The following ADAMTS9 variants were observed in gnomAD, a reference collection of about 807,000 sequenced individuals.
ADAMTS9 encodes the protein ADAM metallopeptidase with thrombospondin type 1 motif 9, also known as A disintegrin and metalloproteinase with thrombospondin motifs 9.
In ADAMTS9, 107 loss-of-function variants were observed where a neutral mutation model predicts 257.1. The observed-to-expected ratio is 0.42, with a 90% confidence interval of 0.36 to 0.49. The LOEUF (loss-of-function observed/expected upper bound fraction) is 0.49, where lower values mean the gene tolerates loss of function less well. ADAMTS9 is among the 20% of genes least tolerant of loss of function. The probability of loss-of-function intolerance (pLI) is 0.03; values close to 1 mark genes in which losing one functional copy is unlikely to be tolerated. For missense variants in ADAMTS9, 2,353 were observed against 2,469.1 expected, an observed-to-expected ratio of 0.95 and a Z score of 1.00; for synonymous variants, 982 against 880.9, an observed-to-expected ratio of 1.11 and a Z score of -2.03.
At position 64,687,485 on chromosome 3, in the gene ADAMTS9, C is replaced by A. The variant is rs1701947931; in HGVS notation, c.115+58G>T. On this transcript the variant is annotated intron_variant, in intron 1 of 39. Coordinates refer to ENST00000498707, the MANE Select transcript of ADAMTS9 (RefSeq NM_182920.2). This position sits in a 1 kb window ranked among gnomAD's most constrained non-coding sequence, Gnocchi z 4.4. ...GCTGCGGGGTGCCCCTGCCCAGGAG[C>A]GAGGACCGGGAGGCGGCGTCGGGGC... 1.3e-5 allele frequency: 18 copies of A among 1,380,662 alleles called. No homozygotes were observed. The South Asian group carries it at 2.3e-4, about 17-fold the overall frequency. The allele number at this position is 1,380,662 out of a possible 1,614,324, so 85.5% of individuals were successfully genotyped here.
Position 64,615,153 on chromosome 3 carries a change from C to T in ADAMTS9, c.3189+168G>A, listed in dbSNP as rs56869336. On this transcript the variant is annotated intron_variant, in intron 21 of 39. Coordinates refer to ENST00000498707, the MANE Select transcript of ADAMTS9 (RefSeq NM_182920.2). Reference sequence around the variant, plus strand: ...ACTGGTAGACTAGTTACATCCAGTACGACAGTCATGGTGCAGGCAGAGAAC... The same window carrying T: ...ACTGGTAGACTAGTTACATCCAGTATGACAGTCATGGTGCAGGCAGAGAAC... The T allele has an allele frequency of 0.19, 148,093 of 779,860 alleles. 16,804 individuals are homozygous for T. Among genetic ancestry groups the T allele is most frequent in the East Asian group, 0.43 (16,258 of 37,454 alleles). 48.3% of individuals were successfully genotyped at this position (779,860 alleles called of 1,614,324 possible). A position where few individuals can be genotyped will look rare whatever the true frequency, so the allele number is the denominator to read the frequency against.
Position 64,616,134 on chromosome 3 carries a change from C to T in ADAMTS9, c.2850G>A (p.Gln950=), listed in dbSNP as rs749659474. ...HVASRSECSA[Q]CGLGYRTLDI... is the part of the protein sequence containing the mutation. ...CCAATGTGCGGTAACCCAAGCCACA[C>T]TGGGCACTACATTCACTCCTGCTGG... The change falls in exon 20 of 40, where the codon CAG becomes CAA. Residue 950 remains glutamine (Q), a synonymous_variant. Transcript: ENST00000498707. 7 of 1,614,018 alleles carry T rather than the reference C, an allele frequency of 4.3e-6. No individual in the cohort carries two copies. Among genetic ancestry groups the T allele is most frequent in the Non-Finnish European group, 5.1e-6 (6 of 1,179,990 alleles).
At chr3:64,544,965 C>G (rs1245804487) in intron 32 of ADAMTS9, among the ~76,000 whole-genome samples, 3 of 151,296 alleles carry the variant, frequency 2.0e-5, no homozygotes, top group African/African-American at 7.3e-5. Context: ...TGAACAGACA[C>G]TTCTCAAAAG....
chr3:64,551,133 A>C, intron 30 of ADAMTS9, 71 bp from the exon 31 acceptor site: 1 of 1,514,358 alleles, frequency 6.6e-7, no homozygotes, highest in Non-Finnish European at 9.1e-7. Flanking sequence ...TTATGTGTTT[A>C]CCTGTCTACA....
rs868052922 is a variant in ADAMTS9 at position 64,679,727 on chromosome 3, T to C, written c.679+1474A>G. 4.6e-5 allele frequency among the ~76,000 whole-genome samples: 7 copies of C among 152,322 alleles called. No homozygotes were observed. The East Asian group carries it at 1.3e-3, about 29-fold the overall frequency. On this transcript the variant is annotated intron_variant, in intron 3 of 39. Coordinates refer to ENST00000498707, the MANE Select transcript of ADAMTS9 (RefSeq NM_182920.2). Reference sequence around the variant, plus strand: ...TATGTTATGTATACATTTCATGTTATGTTTACATTTATACACATGTCTAAA... The same window carrying C: ...TATGTTATGTATACATTTCATGTTACGTTTACATTTATACACATGTCTAAA...
intron 11 of ADAMTS9, among the ~76,000 whole-genome samples, chr3:64,643,240 A>T (rs1242833044): frequency 6.6e-6 from 1 of 152,150 alleles, no homozygotes; most frequent in Non-Finnish European, 1.5e-5. Context: ...GAAAATATAC[A>T]TATAAAAATA....
At chr3:64,518,510 C>T (rs1471432090) in intron 39 of ADAMTS9, among the ~76,000 whole-genome samples, 1 of 152,156 alleles carries the variant, frequency 6.6e-6, no homozygotes, top group Admixed American at 6.5e-5. Context: ...GCATAATGTA[C>T]TCAGGTCAGG....
At chr3:64,594,799 T>G (rs1381764131) in intron 27 of ADAMTS9, among the ~76,000 whole-genome samples, 1 of 152,190 alleles carries the variant, frequency 6.6e-6, no homozygotes, top group Non-Finnish European at 1.5e-5. Flanking sequence ...TCCTTTCTTT[T>G]TTTTTGAGAC....
chr3:64,562,489 A>G (rs565816012), intron 29 of ADAMTS9, among the ~76,000 whole-genome samples: 2 of 152,168 alleles, frequency 1.3e-5, no homozygotes, highest in Non-Finnish European at 2.9e-5. Flanking sequence ...CTTTCCTCTA[A>G]ATTAATTTTT....
intron 28 of ADAMTS9, among the ~76,000 whole-genome samples, chr3:64,591,469 C>T (rs2084258078): frequency 6.6e-6 from 1 of 150,994 alleles, no homozygotes; most frequent in Non-Finnish European, 1.5e-5. Flanking sequence ...ATTTCAAAAA[C>T]AAACACTACC....
intron 38 of ADAMTS9, among the ~76,000 whole-genome samples, chr3:64,526,377 A>T (rs567127965): frequency 6.6e-6 from 1 of 152,298 alleles, no homozygotes; most frequent in South Asian, 2.1e-4. Context: ...AATAGGATAA[A>T]ATAGTTTCTC....
At position 64,687,188 on chromosome 3, in the gene ADAMTS9, T is replaced by C. The variant is rs1701935455; in HGVS notation, c.116-220A>G. Among the ~76,000 whole-genome samples, 1 of 152,148 alleles carries C rather than the reference T, an allele frequency of 6.6e-6. No individual in the cohort carries two copies. Among genetic ancestry groups the C allele is most frequent in the African/African-American group, 2.4e-5 (1 of 41,442 alleles). ...GATACACTATTCCGAGCCAGACAAT[T>C]AACAAGTCAAAATATATATGATTTC... is the stretch of plus-strand genomic sequence containing the variant. On this transcript the variant is annotated intron_variant, in intron 1 of 39. Transcript: ENST00000498707. The surrounding 1 kb of genome is among the most constrained non-coding windows in gnomAD (Gnocchi z 4.4).
chr3:64,541,782 AC>A, intron 33 of ADAMTS9, 55 bp downstream of exon 33: 1 of 1,602,734 alleles, frequency 6.2e-7, no homozygotes, highest in Non-Finnish European at 8.5e-7. Context: ...AATCAAATGA[AC>A]AAAGACATCC....
At chr3:64,537,369 T>A (rs941610660) in intron 37 of ADAMTS9, among the ~76,000 whole-genome samples, 2 of 152,198 alleles carry the variant, frequency 1.3e-5, no homozygotes, top group African/African-American at 4.8e-5. Context: ...AGGGCCAATC[T>A]GTTAGCCACT....
intron 28 of ADAMTS9, among the ~76,000 whole-genome samples, chr3:64,579,963 AC>A (rs1166236992): frequency 6.6e-6 from 1 of 152,214 alleles, no homozygotes; most frequent in African/African-American, 2.4e-5. Flanking sequence ...AACTCAGAAT[AC>A]TACACTGCCC....
Position 64,658,587 on chromosome 3 carries a change from A to G in ADAMTS9, c.884T>C (p.Val295Ala). The change falls in exon 4 of 40, where the codon GTA becomes GCA. Residue 295 changes from valine to alanine, a missense_variant. Coordinates refer to ENST00000498707, the MANE Select transcript of ADAMTS9 (RefSeq NM_182920.2). ...TKRFLSYPRF[V>A]EVLVVADNRM... ...GTTGTCTGCCACCACCAAGACTTCT[A>G]CAAACCGTGGATAGGATAAAAAACG... is the stretch of plus-strand genomic sequence containing the variant. 1 of 1,614,202 alleles carries G rather than the reference A, an allele frequency of 6.2e-7. No homozygotes were observed. The highest frequency in any genetic ancestry group is 8.5e-7 in the Non-Finnish European group (1 of 1,180,034).
At chr3:64,606,860 A>G in intron 23 of ADAMTS9, 100 bp downstream of exon 23, 3 of 1,479,038 alleles carry the variant, frequency 2.0e-6, no homozygotes, top group Non-Finnish European at 2.8e-6. Flanking sequence ...CTCTACTGAC[A>G]TACTTATCTA....
chr3:64,687,035 A>G lies in ADAMTS9; in HGVS notation c.116-67T>C, dbSNP rs1317533723. ...TTCCTTAAGCTTTAATTTAAAACGA[A>G]GGTGGGGACTTTGTTCTGACCTTAT... On this transcript the variant is annotated intron_variant, in intron 1 of 39. Transcript: ENST00000498707. The surrounding 1 kb of genome is among the most constrained non-coding windows in gnomAD (Gnocchi z 4.4). The G allele has an allele frequency of 1.5e-5, 23 of 1,535,112 alleles. No individual in the cohort carries two copies. Among genetic ancestry groups the G allele is most frequent in the Non-Finnish European group, 1.9e-5 (22 of 1,137,334 alleles).
intron 39 of ADAMTS9, among the ~76,000 whole-genome samples, chr3:64,517,416 G>GTTTTTTTTGTTTTTTTTTTTTTTTTTTTT (rs1553698668): frequency 1.9e-5 from 1 of 52,638 alleles, no homozygotes. Context: ...ATTAAAAATG[G>GTTTTTTTTGTTTTTTTTTTTTTTTTTTTT]TTTTTTTTTT....
Sources: gnomAD v4.1 joint callset for allele counts (sites outside exome capture counted in the v4.1 genomes callset) on GRCh38, gnomAD v4.1.1 for gene constraint, Gnocchi (gnomAD v3.1) non-coding constraint, MANE v1.5 for transcripts, NCBI Gene and HGNC (gene_info 2026-07-23, HGNC 2026-07-21) for gene names.